FNDC3B: variants seen among roughly 807,000 people sequenced by gnomAD.
FNDC3B encodes fibronectin type III domain containing 3B.
A neutral mutation model predicts 151.5 loss-of-function variants in FNDC3B; 12 were observed. The observed-to-expected ratio is 0.08, with a 90% CI of 0.05 to 0.13. FNDC3B has a LOEUF of 0.13. Among genes scored for constraint, FNDC3B ranks in the 10% least tolerant of loss-of-function variants. FNDC3B has a pLI of 1.00. For missense variants in FNDC3B, 1,214 were observed against 1,505.3 expected, an observed-to-expected ratio of 0.81 and a Z score of 3.20; for synonymous variants, 528 against 549.0, an observed-to-expected ratio of 0.96 and a Z score of 0.54.
chr3:172,321,701 C>T (rs1333388352), intron 11 of FNDC3B: 5 of 198,846 alleles, frequency 2.5e-5, no homozygotes, highest in Admixed American at 6.2e-5. Flanking sequence ...CCACCACACC[C>T]GGCTAATTAT....
chr3:172,057,766 C>T (rs1341426880), intron 1 of FNDC3B, among the ~76,000 whole-genome samples: 1 of 150,994 alleles, frequency 6.6e-6, no homozygotes, highest in Non-Finnish European at 1.5e-5. Context: ...TGCCCCACCT[C>T]AGTGCATGCC....
At chr3:172,213,026 C>T (rs1725808934) in intron 3 of FNDC3B, among the ~76,000 whole-genome samples, 1 of 152,080 alleles carries the variant, frequency 6.6e-6, no homozygotes, top group Non-Finnish European at 1.5e-5. Context: ...TTGTAGTTTA[C>T]ACACCAATCC....
intron 3 of FNDC3B, among the ~76,000 whole-genome samples, chr3:172,204,948 T>C (rs1725347290): frequency 6.6e-6 from 1 of 152,228 alleles, no homozygotes; most frequent in African/African-American, 2.4e-5. Context: ...ATTGAGTACA[T>C]GTTCAACACT....
chr3:172,041,401 C>CTT (rs1560377992), intron 1 of FNDC3B, among the ~76,000 whole-genome samples: 11 of 142,386 alleles, frequency 7.7e-5, no homozygotes, highest in South Asian at 2.3e-4. Flanking sequence ...TTCTTTCTTT[C>CTT]TCCTTCTCTC....
At chr3:172,221,465 A>G (rs919896189) in intron 3 of FNDC3B, among the ~76,000 whole-genome samples, 1 of 151,980 alleles carries the variant, frequency 6.6e-6, no homozygotes, top group Non-Finnish European at 1.5e-5. Flanking sequence ...CTTGTTAGAA[A>G]TACTCATTCT....
chr3:172,137,533 G>A (rs1721430377), intron 3 of FNDC3B, among the ~76,000 whole-genome samples: 1 of 152,158 alleles, frequency 6.6e-6, no homozygotes, highest in Non-Finnish European at 1.5e-5. Flanking sequence ...GTGCATGCCT[G>A]TAGTCCCAGC....
At chr3:172,230,919 A>G (rs1348890256) in intron 4 of FNDC3B, among the ~76,000 whole-genome samples, 1 of 152,258 alleles carries the variant, frequency 6.6e-6, no homozygotes, top group African/African-American at 2.4e-5. Flanking sequence ...ATGGTTGAAT[A>G]GGGAGTTGCA....
At chr3:172,175,359 A>C (rs925978688) in intron 3 of FNDC3B, among the ~76,000 whole-genome samples, 15 of 152,086 alleles carry the variant, frequency 9.9e-5, no homozygotes, top group African/African-American at 3.6e-4. Flanking sequence ...TCAGGATTTT[A>C]TAGTCCTATA....
intron 6 of FNDC3B, among the ~76,000 whole-genome samples, chr3:172,263,595 T>G (rs1381350782): frequency 9.3e-6 from 1 of 107,770 alleles, no homozygotes; most frequent in Non-Finnish European, 2.5e-5. Flanking sequence ...TGTTTTTTTT[T>G]TTTTTTTTTT....
Position 172,050,733 on chromosome 3 carries a change from G to GTATA in FNDC3B, c.-29+10963_-29+10966dup, listed in dbSNP as rs1553866363. 1.8e-3 allele frequency among the ~76,000 whole-genome samples: 243 copies of GTATA among 137,816 alleles called. 6 individuals are homozygous for GTATA. In the South Asian group the frequency reaches 0.036, roughly 21 times the overall value. The allele number at this position is 137,816 out of a possible 152,430, so 90.4% of individuals were successfully genotyped here. Reference sequence around the variant, plus strand: ...TGTGTGTGTGTGTGTGTGTGTGTGTGTATAGTGTGTATATATACTATATAT... The same window carrying GTATA: ...TGTGTGTGTGTGTGTGTGTGTGTGTGTATATATAGTGTGTATATATACTATATAT... On this transcript the variant is annotated intron_variant, in intron 1 of 25. Transcript: ENST00000415807.
In FNDC3B at chr3:172,040,352, G is replaced by C. The variant is rs1351861907; in HGVS notation, c.-29+581G>C. Among the ~76,000 whole-genome samples the C allele has an allele frequency of 6.6e-6, 1 of 151,954 alleles. No individual in the cohort carries two copies. The highest frequency in any genetic ancestry group is 1.9e-4 in the East Asian group (1 of 5,140). ...GGGGGCGGTCGGGGGCCTCGAACCCGGGGATGCTCGCGGGGAGGGTCCCGA... is the reference window on the plus strand; with the variant it reads ...GGGGGCGGTCGGGGGCCTCGAACCCCGGGATGCTCGCGGGGAGGGTCCCGA... On this transcript the variant is annotated intron_variant, in intron 1 of 25. Coordinates refer to ENST00000415807, the MANE Select transcript of FNDC3B (RefSeq NM_022763.4). This position sits in a 1 kb window ranked among gnomAD's most constrained non-coding sequence, Gnocchi z 6.6.
At chr3:172,176,647 C>T (rs1329480051) in intron 3 of FNDC3B, among the ~76,000 whole-genome samples, 2 of 152,130 alleles carry the variant, frequency 1.3e-5, no homozygotes, top group Admixed American at 1.3e-4. Context: ...GAGTGCTTTG[C>T]AGTTGGAAAG....
intron 4 of FNDC3B, among the ~76,000 whole-genome samples, chr3:172,227,610 G>C (rs1726657561): frequency 6.6e-6 from 1 of 152,186 alleles, no homozygotes; most frequent in Non-Finnish European, 1.5e-5. Flanking sequence ...ATATACTTTA[G>C]TTTTTGTCCT....
intron 1 of FNDC3B, among the ~76,000 whole-genome samples, chr3:172,111,997 C>T (rs543219658): frequency 6.6e-6 from 1 of 152,268 alleles, no homozygotes; most frequent in South Asian, 2.1e-4. Context: ...TCTTAAGGAA[C>T]AAGTTATAAT....
chr3:172,347,206 T>C lies in FNDC3B; in HGVS notation c.2365-6T>C, dbSNP rs1733654145. 1 of 1,609,126 alleles carries C rather than the reference T, an allele frequency of 6.2e-7. No individual in the cohort carries two copies. The highest frequency in any genetic ancestry group is 8.5e-7 in the Non-Finnish European group (1 of 1,177,382). On this transcript the variant is annotated splice_region_variant and splice_polypyrimidine_tract_variant and intron_variant, in intron 20 of 25. Coordinates refer to ENST00000415807, the MANE Select transcript of FNDC3B (RefSeq NM_022763.4). ...TTATTAACTACTTCCATTTCTGCCT[T>C]TCCAGAGTCCTGATAGTTCTGGTGC...
intron 4 of FNDC3B, among the ~76,000 whole-genome samples, chr3:172,241,928 A>C (rs184706747): frequency 6.6e-6 from 1 of 152,348 alleles, no homozygotes. Context: ...CTATAAGCCT[A>C]TAAAATCAAA....
Position 172,247,610 on chromosome 3 carries a change from C to G in FNDC3B, c.342C>G (p.Pro114=). 1.2e-6 allele frequency: 2 copies of G among 1,614,162 alleles called. No homozygotes were observed. The highest frequency in any genetic ancestry group is 1.7e-6 in the Non-Finnish European group (2 of 1,180,014). The change falls in exon 5 of 26, where the codon CCC becomes CCG. Residue 114 remains proline, a synonymous_variant. Coordinates refer to ENST00000415807, the MANE Select transcript of FNDC3B (RefSeq NM_022763.4). ...CTGAGTGTTATCCCCCAAGCTACCC[C>G]TCAGCCATGTCTCCAACCCATCATC... ...QSPECYPPSY[P]SAMSPTHHLP...
intron 3 of FNDC3B, among the ~76,000 whole-genome samples, chr3:172,170,273 G>A (rs532443083): frequency 6.6e-6 from 1 of 152,290 alleles, no homozygotes; most frequent in East Asian, 1.9e-4. Context: ...GAATATTTGG[G>A]ATTGTGGACA....
At chr3:172,257,670 G>A (rs1308086876) in intron 6 of FNDC3B, among the ~76,000 whole-genome samples, 1 of 151,922 alleles carries the variant, frequency 6.6e-6, no homozygotes, top group Non-Finnish European at 1.5e-5. Context: ...CTGGGTCCTT[G>A]TCACCCTCCA....
Sources: allele counts gnomAD v4.1 joint callset (sites outside exome capture counted in the v4.1 genomes callset), GRCh38; gene constraint gnomAD v4.1.1; non-coding constraint Gnocchi (gnomAD v3.1); transcripts MANE v1.5; gene names NCBI Gene and HGNC (gene_info 2026-07-23, HGNC 2026-07-21).